The following ADAMTS2 variants were observed in gnomAD, a reference collection of about 807,000 sequenced individuals.
ADAMTS2 encodes ADAM metallopeptidase with thrombospondin type 1 motif 2.
A neutral mutation model predicts 123.0 loss-of-function variants in ADAMTS2; 50 were observed. That is an observed-to-expected ratio of 0.41 (90% CI 0.32 to 0.51). The LOEUF (loss-of-function observed/expected upper bound fraction) is 0.51. ADAMTS2 is among the 20% of genes least tolerant of loss of function. The pLI is 0.35. For synonymous variants in ADAMTS2, 678 were observed against 695.4 expected, an observed-to-expected ratio of 0.98 and a Z score of 0.39; for missense variants, 1,494 against 1,705.2, an observed-to-expected ratio of 0.88 and a Z score of 2.18.
At chr5:179,241,311 G>C (rs990976739) in intron 3 of ADAMTS2, among the ~76,000 whole-genome samples, 2 of 152,206 alleles carry the variant, frequency 1.3e-5, no homozygotes, top group Non-Finnish European at 2.9e-5. Flanking sequence ...GCAGGCAATG[G>C]GACCCTGCAC....
chr5:179,233,452 T>C (rs1468379832), intron 3 of ADAMTS2, among the ~76,000 whole-genome samples: 2 of 100,450 alleles, frequency 2.0e-5, no homozygotes, highest in African/African-American at 8.0e-5. Context: ...AGGCTGAGGG[T>C]GGGGGAGGGT....
chr5:179,281,984 T>C (rs1456434998), intron 2 of ADAMTS2, among the ~76,000 whole-genome samples: 1 of 152,266 alleles, frequency 6.6e-6, no homozygotes, highest in Admixed American at 6.5e-5. Context: ...TCCCTATTTT[T>C]AATAAGACCA....
chr5:179,317,262 C>T lies in ADAMTS2; in HGVS notation c.534+26505G>A, dbSNP rs544505538. 6.2e-4 allele frequency among the ~76,000 whole-genome samples: 95 copies of T among 152,306 alleles called. No individual in the cohort carries two copies. Among genetic ancestry groups the T allele is most frequent in the South Asian group, 8.3e-4 (4 of 4,824 alleles). ...CTTGGTAGTTCCTCATAAATCCATG[C>T]GTAGGTCTGGCTACAGCTATCCTTG... On this transcript the variant is annotated intron_variant, in intron 2 of 21. Transcript: ENST00000251582. This position sits in a 1 kb window ranked among gnomAD's most constrained non-coding sequence, Gnocchi z 4.9.
In ADAMTS2 at chr5:179,188,738, G is replaced by A. The variant is rs377690393; in HGVS notation, c.892-7583C>T. 1.3e-5 allele frequency among the ~76,000 whole-genome samples: 2 copies of A among 152,094 alleles called. No homozygotes were observed. The highest frequency in any genetic ancestry group is 1.9e-4 in the East Asian group (1 of 5,194). On this transcript the variant is annotated intron_variant, in intron 4 of 21. Coordinates refer to ENST00000251582, the MANE Select transcript of ADAMTS2 (RefSeq NM_014244.5). The surrounding 1 kb of genome is among the most constrained non-coding windows in gnomAD (Gnocchi z 5.1). Reference sequence around the variant, plus strand: ...GCCACCCCCTCACTCCTCAGGCGACGTCTCCTGTGCCTGTCCACACTCTGC... The same window carrying A: ...GCCACCCCCTCACTCCTCAGGCGACATCTCCTGTGCCTGTCCACACTCTGC...
intron 3 of ADAMTS2, among the ~76,000 whole-genome samples, chr5:179,237,461 C>T (rs1401197758): frequency 6.6e-6 from 1 of 152,142 alleles, no homozygotes; most frequent in Non-Finnish European, 1.5e-5. Context: ...AAGAAATAAA[C>T]ACTATGTAAG....
In ADAMTS2 at chr5:179,317,362, C is replaced by T. The variant is rs981196099; in HGVS notation, c.534+26405G>A. The stretch of plus-strand genomic sequence containing the variant: ...ATCACACATCTCATCCAAGCCTGCT[C>T]GGACGCTGCCCTTCTGACCCCGATT... On this transcript the variant is annotated intron_variant, in intron 2 of 21. Coordinates refer to ENST00000251582, the MANE Select transcript of ADAMTS2 (RefSeq NM_014244.5). The surrounding 1 kb of genome is among the most constrained non-coding windows in gnomAD (Gnocchi z 4.9). Among the ~76,000 whole-genome samples the T allele has an allele frequency of 2.0e-5, 3 of 152,170 alleles. No individual in the cohort carries two copies. Among genetic ancestry groups the T allele is most frequent in the African/African-American group, 4.8e-5 (2 of 41,424 alleles).
At chr5:179,205,444 C>A (rs542670321) in intron 4 of ADAMTS2, among the ~76,000 whole-genome samples, 1 of 152,366 alleles carries the variant, frequency 6.6e-6, no homozygotes, top group Non-Finnish European at 1.5e-5. Context: ...AAAACACTGG[C>A]CCATTTTACA....
At chr5:179,167,883 T>C (rs552968469) in intron 5 of ADAMTS2, among the ~76,000 whole-genome samples, 61 of 152,314 alleles carry the variant, frequency 4.0e-4, no homozygotes, top group African/African-American at 1.4e-3. Context: ...GTCTCTGCCG[T>C]GCTGTTGATA....
chr5:179,206,492 C>T (rs1282799777), intron 4 of ADAMTS2, among the ~76,000 whole-genome samples: 2 of 152,190 alleles, frequency 1.3e-5, no homozygotes, highest in Admixed American at 1.3e-4. Flanking sequence ...GGTTCTAGAA[C>T]TTCCCACCTG....
At chr5:179,172,902 G>A (rs918882224) in intron 5 of ADAMTS2, among the ~76,000 whole-genome samples, 3 of 151,884 alleles carry the variant, frequency 2.0e-5, no homozygotes, top group Admixed American at 6.6e-5. Flanking sequence ...GCAGTGTTTT[G>A]TTTATAAAAG....
chr5:179,266,445 T>C (rs1199678226), intron 3 of ADAMTS2, among the ~76,000 whole-genome samples: 1 of 152,094 alleles, frequency 6.6e-6, no homozygotes, highest in East Asian at 1.9e-4. Context: ...TGCAGCAATG[T>C]TGCCACAAGC....
chr5:179,296,450 G>A (rs944422718), intron 2 of ADAMTS2, among the ~76,000 whole-genome samples: 12 of 152,062 alleles, frequency 7.9e-5, no homozygotes, highest in African/African-American at 1.9e-4. Flanking sequence ...ATCCTTCAGC[G>A]AGGCTGGGGC....
rs866549831 is a variant in ADAMTS2 at position 179,182,118 on chromosome 5, G to T, written c.892-963C>A. Among the ~76,000 whole-genome samples, 5 of 152,322 alleles carry T rather than the reference G, an allele frequency of 3.3e-5. No homozygotes were observed. The South Asian group carries it at 1.0e-3, about 32-fold the overall frequency. On this transcript the variant is annotated intron_variant, in intron 4 of 21. Coordinates refer to ENST00000251582, the MANE Select transcript of ADAMTS2 (RefSeq NM_014244.5). ...CCCCTGGAAGGCCCCCCGCAGGCCT[G>T]AGCCGCCCCTCATCAAGCACAAGGT...
rs578091332 is a variant in ADAMTS2, at chr5:179,245,549, G to A, written c.688+27362C>T. 1.2e-3 allele frequency among the ~76,000 whole-genome samples: 178 copies of A among 149,388 alleles called. 3 individuals are homozygous for A. The highest frequency in any genetic ancestry group is 1.2e-3 in the Non-Finnish European group (79 of 67,752). ...TGGGAGGCCGAGGCAGGCGGATCAC[G>A]AGGTCAGGAGATCGAGACCATCCTG... On this transcript the variant is annotated intron_variant, in intron 3 of 21. Transcript: ENST00000251582.
rs762366151 is a variant in ADAMTS2 at position 179,129,887 on chromosome 5, T to C, written c.2457+45A>G. Reference sequence around the variant, plus strand: ...CCAGGCACCCCCATCCCTCCCCCAGTGGCCACCCGCACCCTTCCCTGGGCC... The same window carrying C: ...CCAGGCACCCCCATCCCTCCCCCAGCGGCCACCCGCACCCTTCCCTGGGCC... On this transcript the variant is annotated intron_variant, in intron 16 of 21. Transcript: ENST00000251582. This position sits in a 1 kb window ranked among gnomAD's most constrained non-coding sequence, Gnocchi z 4.1. The C allele has an allele frequency of 6.2e-7, 1 of 1,610,194 alleles. No homozygotes were observed. The highest frequency in any genetic ancestry group is 8.5e-7 in the Non-Finnish European group (1 of 1,178,594).
At chr5:179,152,665 G>T (rs1018855146) in intron 9 of ADAMTS2, among the ~76,000 whole-genome samples, 1 of 152,148 alleles carries the variant, frequency 6.6e-6, no homozygotes, top group Admixed American at 6.5e-5. Flanking sequence ...TCACAGTCCT[G>T]TTCCCTGGCC....
chr5:179,252,210 A>T (rs1324190440), intron 3 of ADAMTS2, among the ~76,000 whole-genome samples: 1 of 151,634 alleles, frequency 6.6e-6, no homozygotes, highest in Non-Finnish European at 1.5e-5. Flanking sequence ...GGGTTTCACC[A>T]TTTTGCCCGG....
chr5:179,338,318 G>A (rs974878082), intron 2 of ADAMTS2, among the ~76,000 whole-genome samples: 14 of 152,160 alleles, frequency 9.2e-5, no homozygotes, highest in African/African-American at 3.4e-4. Context: ...CTGTGAAATG[G>A]GGCCACGGTG....
At position 179,166,610 on chromosome 5, in the gene ADAMTS2, G is replaced by A. The variant is rs1170853345; in HGVS notation, c.976-7731C>T. 2.6e-5 allele frequency among the ~76,000 whole-genome samples: 4 copies of A among 152,278 alleles called. No homozygotes were observed. The East Asian group carries it at 7.8e-4, about 30-fold the overall frequency. ...TGGGCCTTGGGTGGACGAGTAGGCT[G>A]CGTCCAGCTCCAAGTCCCAGCCCCA... On this transcript the variant is annotated intron_variant, in intron 5 of 21. Transcript: ENST00000251582.
Sources: allele counts gnomAD v4.1 joint callset (sites outside exome capture counted in the v4.1 genomes callset), GRCh38; gene constraint gnomAD v4.1.1; non-coding constraint Gnocchi (gnomAD v3.1); transcripts MANE v1.5; gene names NCBI Gene and HGNC (gene_info 2026-07-23, HGNC 2026-07-21).